Variants in VKORC1L1 observed in about 807,000 individuals in gnomAD.
The protein encoded by VKORC1L1 is vitamin K epoxide reductase complex subunit 1-like protein 1.
VKORC1L1 carries 2 observed loss-of-function variants against 18.9 expected under a neutral mutation model. That is an observed-to-expected ratio of 0.11 (90% confidence interval 0.04 to 0.33). VKORC1L1 has a LOEUF of 0.33. Ranked by LOEUF, VKORC1L1 falls within the 10% of genes least tolerant of loss-of-function variation. VKORC1L1 has a pLI of 1.00. For synonymous variants in VKORC1L1, 96 were observed against 100.0 expected (o/e 0.96, Z 0.24); for missense variants, 123 against 224.1 (o/e 0.55, Z 2.88).
chr7:65,958,678 GTTGA>G lies in VKORC1L1; in HGVS notation c.*4381_*4384del, dbSNP rs965250439. The G allele has an allele frequency of 1.3e-5, 2 of 152,144 alleles. No individual in the cohort carries two copies. Among genetic ancestry groups the G allele is most frequent in the Non-Finnish European group, 2.9e-5 (2 of 68,034 alleles). 9.4% of individuals were successfully genotyped at this position (152,144 alleles called of 1,614,324 possible). A position where few individuals can be genotyped will look rare whatever the true frequency, so the allele number is the denominator to read the frequency against. ...TAACCTCATTTCTAAGGTATACAGGGTTGATTCTTTTTCTCTTAAATCATATGTA... is the reference window on the plus strand; with the variant it reads ...TAACCTCATTTCTAAGGTATACAGGGTTCTTTTTCTCTTAAATCATATGTA... On this transcript the variant is annotated 3_prime_UTR_variant, in exon 3 of 3. Transcript: ENST00000360768.
At chr7:65,889,013 T>C (rs1387169246) in intron 1 of VKORC1L1, among the ~76,000 whole-genome samples, 1 of 152,000 alleles carries the variant, frequency 6.6e-6, no homozygotes, top group Non-Finnish European at 1.5e-5. Context: ...GGGAGTGACT[T>C]CTTACTCTTG....
chr7:65,911,220 G>T (rs1166814986), intron 1 of VKORC1L1, among the ~76,000 whole-genome samples: 2 of 152,064 alleles, frequency 1.3e-5, no homozygotes, highest in African/African-American at 4.8e-5. Context: ...ACTGAAGCTT[G>T]TTTATCCATA....
intron 1 of VKORC1L1, among the ~76,000 whole-genome samples, chr7:65,921,780 G>A (rs948568672): frequency 5.9e-5 from 9 of 151,936 alleles, no homozygotes; most frequent in African/African-American, 2.2e-4. Flanking sequence ...CCCGGGAGGC[G>A]GAGCTTGCAG....
At chr7:65,872,406 G>T (rs575233092), upstream of VKORC1L1, among the ~76,000 whole-genome samples, 1 of 151,630 alleles carries the variant, frequency 6.6e-6, no homozygotes, top group African/African-American at 2.4e-5. Context: ...TCCACCTCCC[G>T]GGTTCCGGCA....
At chr7:65,894,020 T>A (rs1789149666) in intron 1 of VKORC1L1, among the ~76,000 whole-genome samples, 1 of 152,136 alleles carries the variant, frequency 6.6e-6, no homozygotes, top group Non-Finnish European at 1.5e-5. Context: ...AATGGTGCGA[T>A]CTCGGCTCAC....
chr7:65,873,342 G>C lies in VKORC1L1; in HGVS notation c.-30G>C. ...GGCGGCGGCGGCTGAGGTGGAGGCG[G>C]AGGGAGGCGGCGGCGGCGGCGGCGG... On this transcript the variant is annotated 5_prime_UTR_variant, in exon 1 of 3. Transcript: ENST00000360768. 6.8e-7 allele frequency: 1 copy of C among 1,465,140 alleles called. No homozygotes were observed. The highest frequency in any genetic ancestry group is 9.0e-7 in the Non-Finnish European group (1 of 1,108,434). The allele number at this position is 1,465,140 out of a possible 1,614,324, so 90.8% of individuals were successfully genotyped here.
chr7:65,883,860 T>C (rs192385878), intron 1 of VKORC1L1, among the ~76,000 whole-genome samples: 53 of 152,352 alleles, frequency 3.5e-4, no homozygotes, highest in African/African-American at 1.2e-3. Context: ...TGTAGTGCAA[T>C]ATTTAAAGCT....
chr7:65,947,169 G>A (rs781404963), intron 1 of VKORC1L1, among the ~76,000 whole-genome samples: 1 of 151,934 alleles, frequency 6.6e-6, no homozygotes, highest in Admixed American at 6.6e-5. Context: ...AAACAAAAAG[G>A]ATTGCATAAT....
intron 1 of VKORC1L1, among the ~76,000 whole-genome samples, chr7:65,946,969 A>G (rs1193719293): frequency 6.7e-6 from 1 of 149,030 alleles, no homozygotes; most frequent in Non-Finnish European, 1.5e-5. Context: ...CTGCAACTCT[A>G]TAAAAAAATA....
chr7:65,927,192 C>A (rs769697384), intron 1 of VKORC1L1, among the ~76,000 whole-genome samples: 3 of 151,930 alleles, frequency 2.0e-5, no homozygotes, highest in African/African-American at 4.8e-5. Context: ...GAGGCTGAGG[C>A]AGGAGAATCA....
chr7:65,931,296 A>C (rs1219999002), intron 1 of VKORC1L1, among the ~76,000 whole-genome samples: 1 of 152,090 alleles, frequency 6.6e-6, no homozygotes, highest in Non-Finnish European at 1.5e-5. Context: ...TTTCTGGAAG[A>C]GATTGTGTAC....
intron 1 of VKORC1L1, among the ~76,000 whole-genome samples, chr7:65,915,865 C>A (rs999193539): frequency 5.9e-5 from 9 of 151,940 alleles, no homozygotes; most frequent in African/African-American, 1.9e-4. Context: ...ACCTGTAATC[C>A]CAGCACTTGC....
chr7:65,866,566 A>T, the VKORC1L1 span, among the ~76,000 whole-genome samples: 1 of 152,190 alleles, frequency 6.6e-6, no homozygotes, highest in Non-Finnish European at 1.5e-5. Flanking sequence ...TTGAGTATTC[A>T]AGGGAATAGA....
intron 1 of VKORC1L1, among the ~76,000 whole-genome samples, chr7:65,943,592 G>A (rs1353478522): frequency 2.0e-5 from 3 of 151,966 alleles, no homozygotes; most frequent in Admixed American, 6.6e-5. Flanking sequence ...TCAGGAGTTC[G>A]AGACCAGCCT....
intron 1 of VKORC1L1, among the ~76,000 whole-genome samples, chr7:65,914,939 G>A (rs1397341922): frequency 1.3e-5 from 2 of 152,082 alleles, no homozygotes; most frequent in Non-Finnish European, 1.5e-5. Context: ...CTAGGAGTTC[G>A]AGGCTGCAAT....
chr7:65,897,884 CTT>C (rs1415715481), intron 1 of VKORC1L1, among the ~76,000 whole-genome samples: 1 of 152,048 alleles, frequency 6.6e-6, no homozygotes, highest in Non-Finnish European at 1.5e-5. Flanking sequence ...ATGCACATAA[CTT>C]TTGTTTTAGC....
chr7:65,903,485 G>A (rs541908894), intron 1 of VKORC1L1, among the ~76,000 whole-genome samples: 14 of 152,180 alleles, frequency 9.2e-5, no homozygotes, highest in African/African-American at 3.4e-4. Context: ...CCTTTAAAGT[G>A]CTTTTTAAAA....
At chr7:65,921,232 A>G (rs1041741880) in intron 1 of VKORC1L1, among the ~76,000 whole-genome samples, 2 of 152,122 alleles carry the variant, frequency 1.3e-5, no homozygotes, top group African/African-American at 4.8e-5. Flanking sequence ...TTATATGTTC[A>G]ATTTAATTAT....
chr7:65,918,330 G>A (rs1221169663), intron 1 of VKORC1L1, among the ~76,000 whole-genome samples: 2 of 152,196 alleles, frequency 1.3e-5, no homozygotes, highest in East Asian at 1.9e-4. Context: ...TTCACATAAA[G>A]GACACAGAGA....
Sources: gnomAD v4.1 joint callset for allele counts (sites outside exome capture counted in the v4.1 genomes callset) on GRCh38, gnomAD v4.1.1 for gene constraint, MANE v1.5 for transcripts, NCBI Gene and HGNC (gene_info 2026-07-23, HGNC 2026-07-21) for gene names.